Variants in SPIN1 observed in about 807,000 individuals in gnomAD.
The protein encoded by SPIN1 is spindlin-1.
Under a neutral mutation model 26.0 loss-of-function variants are expected in SPIN1, and 3 were observed. The observed-to-expected ratio is 0.12, with a 90% CI of 0.05 to 0.30. The LOEUF (loss-of-function observed/expected upper bound fraction) is 0.30. Ranked by LOEUF, SPIN1 falls within the 10% of genes least tolerant of loss-of-function variation. The pLI is 1.00. For missense variants in SPIN1, 126 were observed against 333.4 expected, an observed-to-expected ratio of 0.38 and a Z score of 4.84; for synonymous variants, 101 against 116.5, an observed-to-expected ratio of 0.87 and a Z score of 0.86.
At chr9:88,400,052 CA>C (rs909326363) in intron 1 of SPIN1, among the ~76,000 whole-genome samples, 2 of 152,138 alleles carry the variant, frequency 1.3e-5, no homozygotes, top group African/African-American at 4.8e-5. Flanking sequence ...GCAGCCTTTC[CA>C]ACCCTTCCCA....
intron 2 of SPIN1, among the ~76,000 whole-genome samples, chr9:88,431,070 A>G (rs1037104560): frequency 6.6e-6 from 1 of 151,864 alleles, no homozygotes; most frequent in Non-Finnish European, 1.5e-5. Context: ...TTTTTAGTAG[A>G]GACGGGGTTT....
rs559732627 is a variant in SPIN1, at chr9:88,427,580, G to A, written c.52+989G>A. Reference sequence around the variant, plus strand: ...CTTAGTTTTTCTCATCTAAAAAAACGGGACTTTTTTTTTCTTTTTCTCTCT... The same window carrying A: ...CTTAGTTTTTCTCATCTAAAAAAACAGGACTTTTTTTTTCTTTTTCTCTCT... On this transcript the variant is annotated intron_variant, in intron 2 of 5. Transcript: ENST00000375859. Among the ~76,000 whole-genome samples, 3 of 151,610 alleles carry A rather than the reference G, an allele frequency of 2.0e-5. No individual in the cohort carries two copies. In the South Asian group the frequency reaches 6.3e-4, roughly 32 times the overall value.
chr9:88,476,647 C>T lies in SPIN1; in HGVS notation c.*1370C>T, dbSNP rs1828894082. The T allele has an allele frequency of 6.6e-6, 1 of 152,174 alleles. No homozygotes were observed. Among genetic ancestry groups the T allele is most frequent in the African/African-American group, 2.4e-5 (1 of 41,436 alleles). The allele number at this position is 152,174 out of a possible 1,614,324, so 9.4% of individuals were successfully genotyped here. ...TAATAGCAGCCCTTAGCCACGGAGT[C>T]TTTATGTGGTTTATTCCTGCAAGGT... On this transcript the variant is annotated 3_prime_UTR_variant, in exon 6 of 6. Coordinates refer to ENST00000375859, the MANE Select transcript of SPIN1 (RefSeq NM_006717.3).
chr9:88,446,341 G>C (rs926509066), intron 2 of SPIN1, among the ~76,000 whole-genome samples: 1 of 149,868 alleles, frequency 6.7e-6, no homozygotes, highest in African/African-American at 2.4e-5. Context: ...AATTATCAAT[G>C]TGTTGCAAGT....
At chr9:88,410,976 C>T (rs1444710972) in intron 1 of SPIN1, 1 of 1,360,854 alleles carries the variant, frequency 7.3e-7, no homozygotes, top group Non-Finnish European at 1.0e-6. Flanking sequence ...TTCTGAATGA[C>T]AGTCTTATCC....
In SPIN1 at chr9:88,402,526, T is replaced by C. The variant is rs78589923; in HGVS notation, c.-159+13988T>C. Among the ~76,000 whole-genome samples, 3 of 151,984 alleles carry C rather than the reference T, an allele frequency of 2.0e-5. No individual in the cohort carries two copies. The East Asian group carries it at 5.8e-4, about 29-fold the overall frequency. On this transcript the variant is annotated intron_variant, in intron 1 of 5. Transcript: ENST00000375859. ...TGAGGTCAACTTTTTTTTTTTTTTT[T>C]TATAGCTCCCATGTATTTGTTAGAA...
intron 1 of SPIN1, among the ~76,000 whole-genome samples, chr9:88,405,741 GT>G (rs1271001443): frequency 1.3e-5 from 2 of 151,988 alleles, no homozygotes; most frequent in African/African-American, 4.8e-5. Context: ...GAACACAGTA[GT>G]TTTGTTTGCA....
chr9:88,467,799 T>TA (rs888105374), intron 4 of SPIN1, among the ~76,000 whole-genome samples: 19 of 127,652 alleles, frequency 1.5e-4, no homozygotes, highest in Non-Finnish European at 2.9e-4. Flanking sequence ...TATGCCTTAA[T>TA]AAAAAAATGG....
chr9:88,399,652 T>C (rs1827144833), intron 1 of SPIN1, among the ~76,000 whole-genome samples: 1 of 152,152 alleles, frequency 6.6e-6, no homozygotes, highest in South Asian at 2.1e-4. Context: ...AGTCAGAAGA[T>C]GAGCAGCAAC....
At chr9:88,443,846 TC>T (rs997485020) in intron 2 of SPIN1, among the ~76,000 whole-genome samples, 11 of 152,122 alleles carry the variant, frequency 7.2e-5, no homozygotes, top group Non-Finnish European at 1.5e-4. Flanking sequence ...TTGATCAACT[TC>T]CCCGGCTTGT....
intron 2 of SPIN1, among the ~76,000 whole-genome samples, chr9:88,439,872 A>G (rs1159882192): frequency 6.6e-6 from 1 of 152,110 alleles, no homozygotes; most frequent in Non-Finnish European, 1.5e-5. Context: ...GTATCTTTAT[A>G]GTTAAAGTGG....
At chr9:88,394,637 G>C (rs570303991) in intron 1 of SPIN1, among the ~76,000 whole-genome samples, 1 of 152,122 alleles carries the variant, frequency 6.6e-6, no homozygotes, top group Non-Finnish European at 1.5e-5. Flanking sequence ...TTTATGTTTG[G>C]TTATGGTTTT....
intron 5 of SPIN1, 70 bp from the exon 6 acceptor site, chr9:88,475,008 T>C (rs1828861831): frequency 1.5e-6 from 2 of 1,367,532 alleles, no homozygotes; most frequent in African/African-American, 2.9e-5. Context: ...GTGAGTTGAT[T>C]TATATCTAAA....
chr9:88,417,266 A>G (rs1458486145), intron 1 of SPIN1, among the ~76,000 whole-genome samples: 5 of 152,162 alleles, frequency 3.3e-5, no homozygotes, highest in East Asian at 3.9e-4. Context: ...CTTATTCTCT[A>G]TGCTCATACT....
intron 5 of SPIN1, among the ~76,000 whole-genome samples, chr9:88,471,916 C>G (rs535803274): frequency 2.0e-5 from 3 of 151,820 alleles, no homozygotes; most frequent in Non-Finnish European, 4.4e-5. Flanking sequence ...TTGCAACCTC[C>G]GCCTCCCAAG....
chr9:88,446,799 T>C (rs1000943025), intron 2 of SPIN1, among the ~76,000 whole-genome samples: 4 of 152,222 alleles, frequency 2.6e-5, no homozygotes, highest in Non-Finnish European at 5.9e-5. Flanking sequence ...AGTTTTATTT[T>C]TGTTTTCCTA....
chr9:88,457,842 G>T, intron 3 of SPIN1: 7 of 983,130 alleles, frequency 7.1e-6, no homozygotes, highest in Non-Finnish European at 8.5e-6. Flanking sequence ...AAAATACTAC[G>T]CAAAAAGCAA....
rs559799975 is a variant in SPIN1, at chr9:88,440,445, C to G, written c.53-8496C>G. On this transcript the variant is annotated intron_variant, in intron 2 of 5. Coordinates refer to ENST00000375859, the MANE Select transcript of SPIN1 (RefSeq NM_006717.3). The stretch of plus-strand genomic sequence containing the variant: ...AAGTGCTGGGATTACGGGCGTGAGC[C>G]CCGTGCCCAGCCAGTTAAGTTTTTA... Among the ~76,000 whole-genome samples the G allele has an allele frequency of 8.6e-4, 131 of 152,308 alleles. 1 individual carries two copies. Among genetic ancestry groups the G allele is most frequent in the African/African-American group, 3.0e-3 (126 of 41,576 alleles).
rs576657832 is a variant in SPIN1, at chr9:88,415,376, A to G, written c.-158-11006A>G. Reference sequence around the variant, plus strand: ...AATCTTTGAAGTTTTAGCTAAAGGCAGAACCTACACCAGAGGCCCCTAGAA... The same window carrying G: ...AATCTTTGAAGTTTTAGCTAAAGGCGGAACCTACACCAGAGGCCCCTAGAA... On this transcript the variant is annotated intron_variant, in intron 1 of 5. Coordinates refer to ENST00000375859, the MANE Select transcript of SPIN1 (RefSeq NM_006717.3). Among the ~76,000 whole-genome samples, 17 of 152,300 alleles carry G rather than the reference A, an allele frequency of 1.1e-4. No homozygotes were observed. In the East Asian group the frequency reaches 3.3e-3, roughly 29 times the overall value.
Sources: allele counts gnomAD v4.1 joint callset (sites outside exome capture counted in the v4.1 genomes callset), GRCh38; gene constraint gnomAD v4.1.1; transcripts MANE v1.5; gene names NCBI Gene and HGNC (gene_info 2026-07-23, HGNC 2026-07-21).